CERS6: variants seen among roughly 807,000 people sequenced by gnomAD.
The protein encoded by CERS6 is ceramide synthase 6.
In CERS6, 26 loss-of-function variants were observed where a neutral mutation model predicts 56.8. The ratio of observed to expected loss-of-function variants is 0.46; its 90% CI spans 0.34 to 0.63. CERS6 has a LOEUF of 0.63. CERS6 is among the 30% of genes least tolerant of loss of function. The pLI is 0.01. For missense variants in CERS6, 415 were observed against 467.5 expected (o/e 0.89, Z 1.04); for synonymous variants, 164 against 173.3 (o/e 0.95, Z 0.42).
intron 1 of CERS6, among the ~76,000 whole-genome samples, chr2:168,511,045 A>G (rs1474397997): frequency 6.6e-6 from 1 of 152,090 alleles, no homozygotes; most frequent in African/African-American, 2.4e-5. Context: ...CTCTCCACAG[A>G]TTCAGAATGC....
At position 168,691,013 on chromosome 2, in the gene CERS6, AT is replaced by A; in HGVS notation, c.466-15del. On this transcript the variant is annotated intron_variant, in intron 4 of 9. Coordinates refer to ENST00000305747, the MANE Select transcript of CERS6 (RefSeq NM_203463.3). ...ATCCATGTTCTAAAATATGTAAAAT[AT>A]TTTTTGTCATTTTTTTCAGACCCCC... is the stretch of plus-strand genomic sequence containing the variant. The A allele has an allele frequency of 6.2e-7, 1 of 1,607,908 alleles. No individual in the cohort carries two copies. The highest frequency in any genetic ancestry group is 8.5e-7 in the Non-Finnish European group (1 of 1,174,672).
At chr2:168,725,945 T>C (rs1490964145) in intron 8 of CERS6, among the ~76,000 whole-genome samples, 1 of 152,238 alleles carries the variant, frequency 6.6e-6, no homozygotes, top group African/African-American at 2.4e-5. Flanking sequence ...GCTGTTACAA[T>C]TTTCATTGAT....
intron 4 of CERS6, chr2:168,644,287 TGAA>T: frequency 1.0e-6 from 1 of 983,500 alleles, no homozygotes; most frequent in Non-Finnish European, 1.2e-6. Context: ...CTCAGGAAGA[TGAA>T]GAAAGGAGGT....
At chr2:168,620,058 CACACAT>C (rs756850797) in intron 3 of CERS6, among the ~76,000 whole-genome samples, 24,940 of 117,448 alleles carry the variant, frequency 0.21, 3,558 homozygotes, top group South Asian at 0.29. Context: ...CACACACACA[CACACAT>C]ATTTATATAT....
At chr2:168,680,750 AT>A (rs1686194673) in intron 4 of CERS6, among the ~76,000 whole-genome samples, 1 of 152,218 alleles carries the variant, frequency 6.6e-6, no homozygotes, top group Non-Finnish European at 1.5e-5. Flanking sequence ...GCATTCTGTC[AT>A]GTGAGGATGC....
intron 3 of CERS6, among the ~76,000 whole-genome samples, chr2:168,568,773 T>A (rs1158911051): frequency 2.0e-5 from 3 of 152,236 alleles, no homozygotes; most frequent in Non-Finnish European, 4.4e-5. Flanking sequence ...TAGTCACTTG[T>A]GCTGTCATAT....
intron 3 of CERS6, among the ~76,000 whole-genome samples, chr2:168,598,929 G>A (rs1351517490): frequency 6.6e-6 from 1 of 152,210 alleles, no homozygotes; most frequent in African/African-American, 2.4e-5. Flanking sequence ...TCTCTAGCAA[G>A]AGAAACACAT....
intron 3 of CERS6, among the ~76,000 whole-genome samples, chr2:168,585,338 C>T (rs1300293080): frequency 6.6e-6 from 1 of 152,238 alleles, no homozygotes. Flanking sequence ...GTGCAGGAGA[C>T]AGTGATGGAC....
intron 8 of CERS6, among the ~76,000 whole-genome samples, chr2:168,750,428 T>C (rs1684229265): frequency 6.6e-6 from 1 of 152,208 alleles, no homozygotes; most frequent in African/African-American, 2.4e-5. Flanking sequence ...CCACTGTTGA[T>C]TGTTTGATAT....
intron 8 of CERS6, among the ~76,000 whole-genome samples, chr2:168,731,911 TAGG>T: frequency 6.6e-6 from 1 of 152,316 alleles, no homozygotes; most frequent in African/African-American, 2.4e-5. Context: ...TGCATTATGT[TAGG>T]AGCACAATTT....
intron 1 of CERS6, among the ~76,000 whole-genome samples, chr2:168,514,593 T>C (rs569012897): frequency 4.6e-5 from 7 of 152,328 alleles, no homozygotes; most frequent in South Asian, 2.1e-4. Flanking sequence ...CAAGAGTTCA[T>C]TGCTTGCCAA....
intron 3 of CERS6, among the ~76,000 whole-genome samples, chr2:168,600,450 C>T (rs951668372): frequency 3.3e-5 from 5 of 152,098 alleles, no homozygotes; most frequent in African/African-American, 7.2e-5. Context: ...ATGATCTGCC[C>T]GCCTCGCCCT....
At chr2:168,565,986 G>T (rs1695876682) in intron 3 of CERS6, among the ~76,000 whole-genome samples, 1 of 152,162 alleles carries the variant, frequency 6.6e-6, no homozygotes, top group South Asian at 2.1e-4. Flanking sequence ...CATCCAAGTG[G>T]TGGGTTTTTA....
At chr2:168,647,704 G>A (rs112504744) in intron 4 of CERS6, among the ~76,000 whole-genome samples, 1 of 152,108 alleles carries the variant, frequency 6.6e-6, no homozygotes, top group African/African-American at 2.4e-5. Flanking sequence ...CTAGTTTACT[G>A]AGAATTTTTA....
intron 1 of CERS6, among the ~76,000 whole-genome samples, chr2:168,540,756 A>G (rs1558990099): frequency 6.6e-6 from 1 of 152,114 alleles, no homozygotes; most frequent in East Asian, 1.9e-4. Context: ...TTTTCCCTGT[A>G]TATAGTGAGC....
intron 5 of CERS6, among the ~76,000 whole-genome samples, chr2:168,692,245 C>T (rs1164264328): frequency 1.3e-5 from 2 of 152,112 alleles, no homozygotes; most frequent in Non-Finnish European, 1.5e-5. Context: ...AATTCTCAGG[C>T]CCAACTGCTG....
At chr2:168,648,086 C>T (rs1007382624) in intron 4 of CERS6, among the ~76,000 whole-genome samples, 3 of 152,178 alleles carry the variant, frequency 2.0e-5, no homozygotes, top group South Asian at 2.1e-4. Flanking sequence ...TCTGTAGGAA[C>T]GGTACCAACT....
At chr2:168,478,092 T>C (rs1043622777) in intron 1 of CERS6, among the ~76,000 whole-genome samples, 1 of 254 alleles carries the variant, frequency 3.9e-3, no homozygotes, top group South Asian at 0.25. Context: ...CATTCAGGGT[T>C]TTTTTTTTTG....
intron 4 of CERS6, among the ~76,000 whole-genome samples, chr2:168,636,400 A>G (rs1199020387): frequency 6.6e-6 from 1 of 152,224 alleles, no homozygotes; most frequent in Non-Finnish European, 1.5e-5. Context: ...TCACATCAGT[A>G]TAGAATGATA....
Sources: allele counts gnomAD v4.1 joint callset (sites outside exome capture counted in the v4.1 genomes callset), GRCh38; gene constraint gnomAD v4.1.1; transcripts MANE v1.5; gene names NCBI Gene and HGNC (gene_info 2026-07-23, HGNC 2026-07-21).